The following FHIT variants were observed in gnomAD, a reference collection of about 807,000 sequenced individuals.
FHIT encodes the protein fragile histidine triad diadenosine triphosphatase, also known as bis(5'-adenosyl)-triphosphatase.
FHIT carries 19 observed loss-of-function variants against 17.9 expected under a neutral mutation model. That is an observed-to-expected ratio of 1.06 (90% CI 0.74 to 1.56). FHIT has a LOEUF of 1.56. Among genes scored for constraint, FHIT ranks in the 40% most tolerant of loss-of-function variants. The pLI, the probability that FHIT is intolerant of heterozygous loss-of-function variation, is 0.00. For missense variants in FHIT, 248 were observed against 189.2 expected, an observed-to-expected ratio of 1.31 and a Z score of -1.82; for synonymous variants, 81 against 69.7, an observed-to-expected ratio of 1.16 and a Z score of -0.81.
intron 3 of FHIT, among the ~76,000 whole-genome samples, chr3:60,854,863 G>C (rs532474305): frequency 1.8e-4 from 27 of 152,254 alleles, no homozygotes; most frequent in Middle Eastern, 3.4e-3. Context: ...ATTTCTGTTA[G>C]GAAAGAATGG....
intron 5 of FHIT, among the ~76,000 whole-genome samples, chr3:60,079,428 A>C (rs1261695483): frequency 1.3e-5 from 2 of 151,904 alleles, no homozygotes; most frequent in African/African-American, 4.8e-5. Flanking sequence ...TATTTTTTTT[A>C]CTTTTAAAAA....
chr3:59,897,308 A>G (rs1440924067), intron 8 of FHIT, among the ~76,000 whole-genome samples: 6 of 152,120 alleles, frequency 3.9e-5, no homozygotes, highest in African/African-American at 1.4e-4. Context: ...AGCTCTAGAC[A>G]CCCTCCCTAT....
chr3:60,527,030 C>G (rs192533401), intron 5 of FHIT, among the ~76,000 whole-genome samples: 11 of 152,202 alleles, frequency 7.2e-5, no homozygotes, highest in African/African-American at 2.4e-4. Context: ...CTGCTGCTGC[C>G]TCTCAGTAAT....
intron 5 of FHIT, among the ~76,000 whole-genome samples, chr3:60,450,842 T>C (rs946449388): frequency 6.6e-6 from 1 of 152,156 alleles, no homozygotes; most frequent in African/African-American, 2.4e-5. Context: ...TATACCAATT[T>C]AAGAATTAGG....
intron 1 of FHIT, among the ~76,000 whole-genome samples, chr3:61,209,288 A>C (rs2039370035): frequency 6.6e-6 from 1 of 152,176 alleles, no homozygotes; most frequent in Admixed American, 6.5e-5. Flanking sequence ...TCTGACAATG[A>C]AGTGTCTTGG....
At chr3:60,789,169 T>TAGAGAG (rs1223357758) in intron 4 of FHIT, among the ~76,000 whole-genome samples, 4 of 124,984 alleles carry the variant, frequency 3.2e-5, no homozygotes, top group African/African-American at 1.3e-4. Flanking sequence ...TATATATATA[T>TAGAGAG]ATATATAGAG....
At chr3:60,317,915 C>T (rs1709238664) in intron 5 of FHIT, among the ~76,000 whole-genome samples, 1 of 151,802 alleles carries the variant, frequency 6.6e-6, no homozygotes, top group Admixed American at 6.6e-5. Context: ...CTTAGCCTCC[C>T]TAGTAGCTGG....
chr3:61,108,133 T>A (rs982738364), intron 2 of FHIT, among the ~76,000 whole-genome samples: 1 of 152,214 alleles, frequency 6.6e-6, no homozygotes, highest in African/African-American at 2.4e-5. Context: ...TAAGCATTTT[T>A]TTCATATACT....
rs551662864 is a variant in FHIT at position 60,107,316 on chromosome 3, A to G, written c.104-93164T>C. Among the ~76,000 whole-genome samples, 128 of 152,206 alleles carry G rather than the reference A, an allele frequency of 8.4e-4. 1 individual carries two copies. The highest frequency in any genetic ancestry group is 2.9e-3 in the African/African-American group (121 of 41,544). On this transcript the variant is annotated intron_variant, in intron 5 of 9. Coordinates refer to ENST00000492590, the MANE Select transcript of FHIT (RefSeq NM_002012.4). The stretch of plus-strand genomic sequence containing the variant: ...TACATTCTGATGAGCAATCTAGGGG[A>G]AACAAAACTAAAAAAAATTAAAATA...
At chr3:61,132,170 C>T (rs2036782754) in intron 2 of FHIT, among the ~76,000 whole-genome samples, 1 of 152,188 alleles carries the variant, frequency 6.6e-6, no homozygotes, top group Non-Finnish European at 1.5e-5. Flanking sequence ...TCTTCCTCCA[C>T]AAGCAGCACT....
intron 4 of FHIT, among the ~76,000 whole-genome samples, chr3:60,569,742 T>TAC (rs1435150265): frequency 0.05 from 3,266 of 65,804 alleles, 118 homozygotes; most frequent in East Asian, 0.14. Context: ...TATATATATA[T>TAC]ATATATATAT....
chr3:60,141,807 T>C (rs1337266529), intron 5 of FHIT, among the ~76,000 whole-genome samples: 1 of 152,220 alleles, frequency 6.6e-6, no homozygotes, highest in Non-Finnish European at 1.5e-5. Flanking sequence ...CCTGGAAGGA[T>C]TATGTTCATC....
At chr3:60,914,501 G>A (rs1706906298) in intron 3 of FHIT, among the ~76,000 whole-genome samples, 1 of 150,624 alleles carries the variant, frequency 6.6e-6, no homozygotes, top group East Asian at 2.0e-4. Flanking sequence ...ATAGGAAAAT[G>A]AGTAAGGTTT....
intron 5 of FHIT, among the ~76,000 whole-genome samples, chr3:60,513,508 T>C (rs568244781): frequency 6.6e-6 from 1 of 152,248 alleles, no homozygotes; most frequent in South Asian, 2.1e-4. Context: ...AAAAGGCAAA[T>C]ATTTTTCAGT....
chr3:61,218,059 G>C (rs760706570), intron 1 of FHIT, among the ~76,000 whole-genome samples: 2 of 152,174 alleles, frequency 1.3e-5, no homozygotes, highest in Non-Finnish European at 2.9e-5. Context: ...ATCCAGGTAA[G>C]CAGTTGGGTA....
chr3:60,889,409 A>G (rs1178682417), intron 3 of FHIT, among the ~76,000 whole-genome samples: 1 of 152,236 alleles, frequency 6.6e-6, no homozygotes, highest in Non-Finnish European at 1.5e-5. Context: ...AAAATTTTAT[A>G]TTCGATGCCG....
chr3:60,673,014 T>C (rs1553694412), intron 4 of FHIT, among the ~76,000 whole-genome samples: 1 of 152,046 alleles, frequency 6.6e-6, no homozygotes. Flanking sequence ...CATTTATTAC[T>C]TCCTTGTCCA....
At chr3:60,366,404 C>G (rs993914866) in intron 5 of FHIT, among the ~76,000 whole-genome samples, 2 of 152,184 alleles carry the variant, frequency 1.3e-5, no homozygotes, top group African/African-American at 4.8e-5. Context: ...GGATTATAGG[C>G]ATGAGGCACA....
At chr3:60,233,767 T>A (rs1488212872) in intron 5 of FHIT, among the ~76,000 whole-genome samples, 1 of 152,104 alleles carries the variant, frequency 6.6e-6, no homozygotes, top group African/African-American at 2.4e-5. Context: ...GTCTTTCCCA[T>A]GCTGTTCTTG....
Sources: allele counts gnomAD v4.1 joint callset (sites outside exome capture counted in the v4.1 genomes callset), GRCh38; gene constraint gnomAD v4.1.1; transcripts MANE v1.5; gene names NCBI Gene and HGNC (gene_info 2026-07-23, HGNC 2026-07-21).